PTPRN2: variants seen among roughly 807,000 people sequenced by gnomAD.
PTPRN2 encodes protein tyrosine phosphatase receptor type N2.
A neutral mutation model predicts 118.8 loss-of-function variants in PTPRN2; 74 were observed. The ratio of observed to expected loss-of-function variants is 0.62; its 90% confidence interval spans 0.52 to 0.76. The LOEUF (loss-of-function observed/expected upper bound fraction) is 0.76, where lower values mean the gene tolerates loss of function less well. Ranked by LOEUF, PTPRN2 falls within the 30% of genes least tolerant of loss-of-function variation. The pLI, the probability that PTPRN2 is intolerant of heterozygous loss-of-function variation, is 0.00. For synonymous variants in PTPRN2, 641 were observed against 608.0 expected (o/e 1.05, Z -0.80); for missense variants, 1,481 against 1,394.4 (o/e 1.06, Z -0.99).
chr7:157,547,625 CAT>C (rs1157670909), intron 22 of PTPRN2, among the ~76,000 whole-genome samples: 2 of 152,068 alleles, frequency 1.3e-5, no homozygotes, highest in Non-Finnish European at 2.9e-5. Context: ...GAAAGACAGA[CAT>C]GTGCACAGTC....
Position 158,434,454 on chromosome 7 carries a change from A to G in PTPRN2, c.163+55281T>C, listed in dbSNP as rs190071733. On this transcript the variant is annotated intron_variant, in intron 2 of 22. Transcript: ENST00000389418. ...TATCTCGGAAAATGCTTCCTGCCTT[A>G]ACATCTACTTTGTATATTAGTTTAG... Among the ~76,000 whole-genome samples, 209 of 152,288 alleles carry G rather than the reference A, an allele frequency of 1.4e-3. 2 individuals carry two copies. The highest frequency in any genetic ancestry group is 9.1e-3 in the South Asian group (44 of 4,826).
At chr7:157,846,081 A>G (rs1425755158) in intron 12 of PTPRN2, among the ~76,000 whole-genome samples, 1 of 152,102 alleles carries the variant, frequency 6.6e-6, no homozygotes, top group East Asian at 1.9e-4. Flanking sequence ...AAGTGGGAAA[A>G]GGTGGGGGTG....
intron 10 of PTPRN2, among the ~76,000 whole-genome samples, chr7:158,099,926 T>C (rs1331166648): frequency 1.4e-5 from 2 of 147,696 alleles, no homozygotes; most frequent in Non-Finnish European, 3.0e-5. Context: ...AATAAACTTA[T>C]TCCTTCTTTA....
At position 158,414,908 on chromosome 7, in the gene PTPRN2, C is replaced by T. The variant is rs1814524689; in HGVS notation, c.163+74827G>A. On this transcript the variant is annotated intron_variant, in intron 2 of 22. Transcript: ENST00000389418. ...GAGGGGCGGGGGAAGGTACCTCTGCCTGGGACAAAAGCCTGCAAGGAAAAC... is the reference window on the plus strand; with the variant it reads ...GAGGGGCGGGGGAAGGTACCTCTGCTTGGGACAAAAGCCTGCAAGGAAAAC... Among the ~76,000 whole-genome samples, 3 of 152,168 alleles carry T rather than the reference C, an allele frequency of 2.0e-5. 1 individual carries two copies. In the South Asian group the frequency reaches 6.2e-4, roughly 32 times the overall value.
intron 3 of PTPRN2, among the ~76,000 whole-genome samples, chr7:158,306,003 G>A (rs1259092030): frequency 1.4e-4 from 21 of 152,094 alleles, no homozygotes; most frequent in Non-Finnish European, 1.9e-4. Context: ...TGCCTTCAAA[G>A]CCCCATTCCC....
intron 3 of PTPRN2, among the ~76,000 whole-genome samples, chr7:158,211,361 G>A (rs181674860): frequency 3.3e-5 from 5 of 152,114 alleles, no homozygotes; most frequent in African/African-American, 1.2e-4. Context: ...TGGACAGATG[G>A]GATCACATCA....
Position 157,852,542 on chromosome 7 carries a change from T to C in PTPRN2, c.1788+46131A>G, listed in dbSNP as rs778278003. On this transcript the variant is annotated intron_variant, in intron 12 of 22. Transcript: ENST00000389418. ...AGTGTGTGTTTAAAATAAAAGTGTT[T>C]ATATTTTTCAGATTTTGTTTTCTCC... 4.6e-5 allele frequency among the ~76,000 whole-genome samples: 7 copies of C among 152,204 alleles called. No individual in the cohort carries two copies. In the East Asian group the frequency reaches 5.8e-4, roughly 13 times the overall value.
chr7:158,224,409 A>G (rs73176114), intron 3 of PTPRN2, among the ~76,000 whole-genome samples: 27,244 of 152,216 alleles, frequency 0.18, 2,635 homozygotes, highest in Non-Finnish European at 0.23. Flanking sequence ...ATAATACAAT[A>G]GAATAGAAAA....
intron 12 of PTPRN2, among the ~76,000 whole-genome samples, chr7:157,758,334 G>A (rs922596866): frequency 2.0e-5 from 3 of 152,260 alleles, no homozygotes; most frequent in African/African-American, 7.2e-5. Context: ...CGCTCAGGCG[G>A]CTCCTTCAGT....
intron 17 of PTPRN2, among the ~76,000 whole-genome samples, chr7:157,582,661 G>A (rs1800458332): frequency 6.6e-6 from 1 of 151,900 alleles, no homozygotes; most frequent in Non-Finnish European, 1.5e-5. Flanking sequence ...GGATCACGAG[G>A]TCAGGAGTTC....
At chr7:158,157,279 G>T (rs976558909) in intron 6 of PTPRN2, among the ~76,000 whole-genome samples, 6 of 152,212 alleles carry the variant, frequency 3.9e-5, no homozygotes, top group Admixed American at 2.0e-4. Flanking sequence ...GGTGCCTTTA[G>T]GTGCCCTGCC....
In PTPRN2 at chr7:157,682,866, C is replaced by G. The variant is rs372336784; in HGVS notation, c.1860G>C (p.Leu620=). 9 of 1,613,908 alleles carry G rather than the reference C, an allele frequency of 5.6e-6. No homozygotes were observed. In the Admixed American group the frequency reaches 1.0e-4, roughly 18 times the overall value. Residue 620 remains leucine (L), a synonymous_variant, in exon 13 of 23, where the codon CTG becomes CTC. Transcript: ENST00000389418. ...EDSTKFIALT[L]VSLACILGVL... ...CGCCCAGGATGCAGGCGAGGGAGAC[C>G]AGGGTGAGCGCGATGAACTTGGTGG... is the stretch of plus-strand genomic sequence containing the variant.
intron 16 of PTPRN2, among the ~76,000 whole-genome samples, chr7:157,599,656 C>G (rs1262702084): frequency 6.6e-6 from 1 of 152,244 alleles, no homozygotes; most frequent in East Asian, 1.9e-4. Flanking sequence ...GAGGCACCCA[C>G]TGCGGGGCAG....
intron 1 of PTPRN2, among the ~76,000 whole-genome samples, chr7:158,569,549 G>T (rs1586958583): frequency 6.6e-6 from 1 of 152,238 alleles, no homozygotes; most frequent in African/African-American, 2.4e-5. Context: ...GTCCTGCTGG[G>T]CCCCTCACCA....
In PTPRN2 at chr7:157,594,429, C is replaced by T. The variant is rs555604415; in HGVS notation, c.2496+809G>A. ...CCAGGAGGCCCGGGCTGTGGATCGC[C>T]AGGAGGCTGCAGCCTGATCCCAGCG... On this transcript the variant is annotated intron_variant, in intron 17 of 22. Coordinates refer to ENST00000389418, the MANE Select transcript of PTPRN2 (RefSeq NM_002847.5). Among the ~76,000 whole-genome samples the T allele has an allele frequency of 4.9e-3, 752 of 152,306 alleles. 2 individuals are homozygous for T. The highest frequency in any genetic ancestry group is 8.9e-3 in the South Asian group (43 of 4,832).
At chr7:158,401,351 G>A (rs1056174596) in intron 2 of PTPRN2, among the ~76,000 whole-genome samples, 6 of 152,230 alleles carry the variant, frequency 3.9e-5, no homozygotes, top group South Asian at 4.1e-4. Flanking sequence ...AAAATAGACC[G>A]GAAGCTCCTT....
intron 12 of PTPRN2, among the ~76,000 whole-genome samples, chr7:157,815,894 A>G (rs189480562): frequency 1.1e-4 from 16 of 152,348 alleles, no homozygotes; most frequent in Non-Finnish European, 1.9e-4. Flanking sequence ...TGTGCTTCAG[A>G]AAGAGCTGGG....
intron 3 of PTPRN2, among the ~76,000 whole-genome samples, chr7:158,272,205 T>C (rs758134082): frequency 6.6e-6 from 1 of 152,130 alleles, no homozygotes; most frequent in Non-Finnish European, 1.5e-5. Flanking sequence ...CAAGTGGAAC[T>C]GGTCCAAATG....
intron 12 of PTPRN2, among the ~76,000 whole-genome samples, chr7:157,762,773 A>G (rs1345487787): frequency 6.6e-6 from 1 of 152,056 alleles, no homozygotes; most frequent in East Asian, 1.9e-4. Flanking sequence ...AAAAGAAAAA[A>G]CTTTTCAGAG....
Sources: gnomAD v4.1 joint callset for allele counts (sites outside exome capture counted in the v4.1 genomes callset) on GRCh38, gnomAD v4.1.1 for gene constraint, MANE v1.5 for transcripts, NCBI Gene and HGNC (gene_info 2026-07-23, HGNC 2026-07-21) for gene names.